Variants in NEU3 observed in about 807,000 individuals in gnomAD.
NEU3 encodes the protein neuraminidase 3.
Under a neutral mutation model 11.4 loss-of-function variants are expected in NEU3, and 10 were observed. That is an observed-to-expected ratio of 0.88 (90% CI 0.54 to 1.49). NEU3 has a LOEUF of 1.49. Ranked by LOEUF, NEU3 falls within the 40% of genes most tolerant of loss-of-function variation. The pLI is 0.00. For missense variants in NEU3, 529 were observed against 581.8 expected, an observed-to-expected ratio of 0.91 and a Z score of 0.93; for synonymous variants, 212 against 228.2, an observed-to-expected ratio of 0.93 and a Z score of 0.64.
Position 74,994,847 on chromosome 11 carries a change from A to G in NEU3, c.306+127A>G, listed in dbSNP as rs778685689. 3.5e-6 allele frequency: 3 copies of G among 865,974 alleles called. 1 individual carries two copies. In the South Asian group the frequency reaches 4.2e-5, roughly 12 times the overall value. 53.6% of individuals were successfully genotyped at this position (865,974 alleles called of 1,614,324 possible). A position where few individuals can be genotyped will look rare whatever the true frequency, so the allele number is the denominator to read the frequency against. On this transcript the variant is annotated intron_variant, in intron 2 of 2. Coordinates refer to ENST00000294064, the MANE Select transcript of NEU3 (RefSeq NM_006656.6). Reference sequence around the variant, plus strand: ...TGTGTGGGGAGCAGAGGCAGAAAAAACAGCAAAAACAATGGCTCTCACTGA... The same window carrying G: ...TGTGTGGGGAGCAGAGGCAGAAAAAGCAGCAAAAACAATGGCTCTCACTGA...
At chr11:74,981,490 C>T in the NEU3 span, among the ~76,000 whole-genome samples, 1 of 152,312 alleles carries the variant, frequency 6.6e-6, no homozygotes, top group South Asian at 2.1e-4. Flanking sequence ...AGCACCCCTC[C>T]CCTCACAAGC....
upstream of NEU3, among the ~76,000 whole-genome samples, chr11:74,987,261 A>G (rs1948674297): frequency 6.6e-6 from 1 of 152,054 alleles, no homozygotes; most frequent in African/African-American, 2.4e-5. Context: ...CCAAAGTGAC[A>G]TTTTTCTCCA....
upstream of NEU3, among the ~76,000 whole-genome samples, chr11:74,986,340 A>G (rs1948665292): frequency 6.6e-6 from 1 of 152,168 alleles, no homozygotes; most frequent in African/African-American, 2.4e-5. Context: ...GAGGATATAC[A>G]TTTTTACTTT....
chr11:75,000,747 A>T (rs1484478747), intron 2 of NEU3, among the ~76,000 whole-genome samples: 1 of 151,098 alleles, frequency 6.6e-6, no homozygotes, highest in East Asian at 1.9e-4. Context: ...AGTAGCTGGG[A>T]CTACAAGTGT....
chr11:75,005,074 T>C (rs576772076), intron 2 of NEU3, among the ~76,000 whole-genome samples: 1 of 152,154 alleles, frequency 6.6e-6, no homozygotes, highest in African/African-American at 2.4e-5. Flanking sequence ...TACAATGTTA[T>C]ACAATAAATG....
chr11:74,994,510 G>T lies in NEU3; in HGVS notation c.96G>T (p.Glu32Asp), dbSNP rs1353873970. Reference protein sequence around the residue: ...TETEEPGSSAEVMEEVTTCSF... With the variant: ...TETEEPGSSADVMEEVTTCSF... ...TTAAGCTTCCTTCTATCCTTGCAGA[G>T]GTCATGGAAGAAGTGACAACATGCT... Residue 32 changes from glutamate to aspartate, a missense_variant and splice_region_variant, in exon 2 of 3, where the codon GAG becomes GAT. Glu to Asp is a conservative substitution (Grantham distance 45, BLOSUM62 2). Coordinates refer to ENST00000294064, the MANE Select transcript of NEU3 (RefSeq NM_006656.6). The T allele has an allele frequency of 6.2e-7, 1 of 1,605,568 alleles. No homozygotes were observed. The highest frequency in any genetic ancestry group is 1.1e-5 in the South Asian group (1 of 89,784).
intron 1 of NEU3, among the ~76,000 whole-genome samples, chr11:74,992,452 C>T (rs557576593): frequency 1.1e-4 from 16 of 152,254 alleles, no homozygotes; most frequent in Admixed American, 1.0e-3. Flanking sequence ...GTTCTTACAG[C>T]CTGATAATAT....
chr11:75,005,098 G>A (rs11603294), intron 2 of NEU3, among the ~76,000 whole-genome samples: 35,850 of 151,402 alleles, frequency 0.24, 5,487 homozygotes, highest in East Asian at 0.54. Context: ...TAGGGGAGGA[G>A]AGTGAGTTTC....
intron 1 of NEU3, 30 bp downstream of exon 1, chr11:74,989,184 C>A: frequency 6.6e-7 from 1 of 1,517,026 alleles, no homozygotes; most frequent in Non-Finnish European, 9.0e-7. Context: ...AGGAGAGCTC[C>A]CCGAGGAGGA....
chr11:74,990,142 C>T, intron 1 of NEU3: 3 of 644,302 alleles, frequency 4.7e-6, no homozygotes, highest in Non-Finnish European at 8.4e-6. Flanking sequence ...CCTATTAAAA[C>T]AGCAGTTTAA....
rs982601866 is a variant in NEU3 at position 74,988,990 on chromosome 11, T to G, written c.-71T>G. ...CTCCGTGTCCTCCGTCTCAGTTGTT[T>G]CTCCCTCTCTATCCTCCTCTGTCTC... On this transcript the variant is annotated 5_prime_UTR_variant, in exon 1 of 3. Transcript: ENST00000294064. 16 of 1,184,750 alleles carry G rather than the reference T, an allele frequency of 1.4e-5. No individual in the cohort carries two copies. In the African/African-American group the frequency reaches 2.5e-4, roughly 18 times the overall value. The allele number at this position is 1,184,750 out of a possible 1,614,324, so 73.4% of individuals were successfully genotyped here.
At chr11:74,988,915 C>G, upstream of NEU3, 1 of 676,248 alleles carries the variant, frequency 1.5e-6, no homozygotes, top group Non-Finnish European at 2.5e-6. Context: ...CTTTTCGTTG[C>G]CGTTACCTGT....
At chr11:74,990,526 T>G (rs1019367318) in intron 1 of NEU3, among the ~76,000 whole-genome samples, 1 of 152,060 alleles carries the variant, frequency 6.6e-6, no homozygotes, top group Non-Finnish European at 1.5e-5. Context: ...CTGGCCAATT[T>G]TTTTTGTATT....
upstream of NEU3, among the ~76,000 whole-genome samples, chr11:74,984,208 A>G (rs1239029110): frequency 2.0e-5 from 3 of 152,220 alleles, no homozygotes; most frequent in African/African-American, 7.2e-5. Flanking sequence ...TTTTGCAAAG[A>G]GAGGCACTGA....
the NEU3 span, among the ~76,000 whole-genome samples, chr11:74,981,496 C>T: frequency 6.6e-6 from 1 of 152,192 alleles, no homozygotes; most frequent in Non-Finnish European, 1.5e-5. Context: ...CCTCCCCTCA[C>T]AAGCTGGGGG....
chr11:75,005,783 C>T lies in NEU3; in HGVS notation c.677C>T (p.Pro226Leu). ...TCCTGGTTCTTTTGCTTCCAGCTAC[C>T]ATGTAAAACCAGGCCTCATTCTCTG... ...IPSWFFCFQLPCKTRPHSLMI... is the reference protein window; with the variant it reads ...IPSWFFCFQLLCKTRPHSLMI... Residue 226 changes from proline to leucine, a missense_variant, in exon 3 of 3, where the codon CCA (proline) becomes CTA (leucine). Physicochemically the swap from Pro to Leu is moderately conservative, Grantham distance 98. Transcript: ENST00000294064. The T allele has an allele frequency of 1.2e-6, 2 of 1,613,918 alleles. No homozygotes were observed. The highest frequency in any genetic ancestry group is 2.2e-5 in the East Asian group (1 of 44,872).
At chr11:74,984,171 T>C (rs559798099), upstream of NEU3, among the ~76,000 whole-genome samples, 1 of 152,316 alleles carries the variant, frequency 6.6e-6, no homozygotes, top group East Asian at 1.9e-4. Context: ...GAGACAATTC[T>C]TCATGGGTCT....
At chr11:74,994,971 CAGAG>C in intron 2 of NEU3, 2 of 630,370 alleles carry the variant, frequency 3.2e-6, no homozygotes, top group South Asian at 1.8e-5. Context: ...AACTGAGACT[CAGAG>C]AGGTTGCCAT....
At position 75,007,650 on chromosome 11, in the gene NEU3, AG is replaced by A. The variant is rs1196589902; in HGVS notation, c.*1160del. The A allele has an allele frequency of 6.6e-6, 1 of 152,178 alleles. No homozygotes were observed. Among genetic ancestry groups the A allele is most frequent in the Admixed American group, 6.5e-5 (1 of 15,282 alleles). 9.4% of individuals were successfully genotyped at this position (152,178 alleles called of 1,614,324 possible). A position where few individuals can be genotyped will look rare whatever the true frequency, so the allele number is the denominator to read the frequency against. On this transcript the variant is annotated 3_prime_UTR_variant, in exon 3 of 3. Transcript: ENST00000294064. ...ATCTCAGAATCAGGCCTATTTGTGT[AG>A]GCCCATGGAAATCACTACTTGTGAA...
Sources: gnomAD v4.1 joint callset for allele counts (sites outside exome capture counted in the v4.1 genomes callset) on GRCh38, gnomAD v4.1.1 for gene constraint, MANE v1.5 for transcripts, NCBI Gene and HGNC (gene_info 2026-07-23, HGNC 2026-07-21) for gene names.